The following THSD7B variants were observed in gnomAD, a reference collection of about 807,000 sequenced individuals.
THSD7B encodes the protein thrombospondin type 1 domain containing 7B, also known as thrombospondin type-1 domain-containing protein 7B.
In THSD7B, 138 loss-of-function variants were observed where a neutral mutation model predicts 213.6. That is an observed-to-expected ratio of 0.65 (90% CI 0.56 to 0.74). The LOEUF is 0.74. Among genes scored for constraint, THSD7B ranks in the 30% least tolerant of loss-of-function variants. THSD7B has a pLI of 0.00. For synonymous variants in THSD7B, 742 were observed against 687.0 expected, an observed-to-expected ratio of 1.08 and a Z score of -1.25; for missense variants, 1,931 against 1,991.5, an observed-to-expected ratio of 0.97 and a Z score of 0.58.
chr2:137,332,195 A>G (rs962695725), intron 12 of THSD7B, among the ~76,000 whole-genome samples: 1 of 152,012 alleles, frequency 6.6e-6, no homozygotes, highest in Admixed American at 6.5e-5. Flanking sequence ...GGAGGGCTGT[A>G]CCCTGCAAAG....
At chr2:137,230,610 T>C (rs1051992370) in intron 7 of THSD7B, among the ~76,000 whole-genome samples, 1 of 152,192 alleles carries the variant, frequency 6.6e-6, no homozygotes, top group Non-Finnish European at 1.5e-5. Flanking sequence ...GGTTGCATAT[T>C]TGGAGGTGAA....
chr2:137,497,415 A>T (rs1478698586), intron 15 of THSD7B, among the ~76,000 whole-genome samples: 1 of 152,144 alleles, frequency 6.6e-6, no homozygotes, highest in Non-Finnish European at 1.5e-5. Flanking sequence ...TAAACTATGT[A>T]GGTCTTCCCT....
At chr2:137,264,961 A>G (rs991464362) in intron 10 of THSD7B, among the ~76,000 whole-genome samples, 6 of 151,998 alleles carry the variant, frequency 3.9e-5, no homozygotes, top group Non-Finnish European at 7.4e-5. Flanking sequence ...ATATCTCCCA[A>G]TGCTATCCCT....
intron 15 of THSD7B, among the ~76,000 whole-genome samples, chr2:137,533,447 A>G (rs887274977): frequency 1.3e-5 from 2 of 151,696 alleles, no homozygotes; most frequent in African/African-American, 2.4e-5. Flanking sequence ...TCAACTCAAT[A>G]CTCTACTTAT....
At chr2:137,262,459 A>G (rs1292471566) in intron 10 of THSD7B, among the ~76,000 whole-genome samples, 1 of 152,136 alleles carries the variant, frequency 6.6e-6, no homozygotes, top group East Asian at 1.9e-4. Context: ...TTTGCGGAAA[A>G]AAAAAAAAAT....
At chr2:137,059,096 T>C (rs1253161592) in intron 3 of THSD7B, among the ~76,000 whole-genome samples, 5 of 152,298 alleles carry the variant, frequency 3.3e-5, no homozygotes, top group African/African-American at 1.2e-4. Flanking sequence ...TGTCTTGATT[T>C]AGTTCGTGAT....
chr2:137,419,336 A>G (rs1053983015), intron 14 of THSD7B, among the ~76,000 whole-genome samples: 1 of 150,428 alleles, frequency 6.6e-6, no homozygotes, highest in East Asian at 2.0e-4. Context: ...AGCCACTGCA[A>G]TTGAGCTCTC....
intron 3 of THSD7B, among the ~76,000 whole-genome samples, chr2:137,073,583 C>A (rs1687550088): frequency 6.6e-6 from 1 of 152,168 alleles, no homozygotes. Flanking sequence ...TCTCTATCTC[C>A]TTCAGTTCTG....
At chr2:137,417,908 A>T (rs1321339098) in intron 14 of THSD7B, among the ~76,000 whole-genome samples, 1 of 152,212 alleles carries the variant, frequency 6.6e-6, no homozygotes, top group East Asian at 1.9e-4. Context: ...GTTATATGAA[A>T]TTCTTGCCAA....
chr2:137,174,721 A>G (rs1417468479), intron 7 of THSD7B, among the ~76,000 whole-genome samples: 1 of 152,140 alleles, frequency 6.6e-6, no homozygotes, highest in Non-Finnish European at 1.5e-5. Flanking sequence ...GAGTGTTCTT[A>G]TTTGGAATCT....
At chr2:136,818,158 C>T (rs1233229230) in intron 1 of THSD7B, among the ~76,000 whole-genome samples, 2 of 151,236 alleles carry the variant, frequency 1.3e-5, no homozygotes, top group African/African-American at 4.9e-5. Flanking sequence ...AAATGTCCAT[C>T]AATAATAGAC....
chr2:137,389,193 C>CATATATATATATAT lies in THSD7B; in HGVS notation c.2501-16409_2501-16396dup, dbSNP rs59969102. Among the ~76,000 whole-genome samples the CATATATATATATAT allele has an allele frequency of 5.0e-3, 632 of 127,224 alleles. 3 individuals are homozygous for CATATATATATATAT. Among genetic ancestry groups the CATATATATATATAT allele is most frequent in the South Asian group, 0.016 (57 of 3,648 alleles). 83.5% of individuals were successfully genotyped at this position (127,224 alleles called of 152,430 possible). On this transcript the variant is annotated intron_variant, in intron 12 of 27. Coordinates refer to ENST00000409968, the MANE Select transcript of THSD7B (RefSeq NM_001316349.2). ...ATCACCAGTCTCACCATATATCTGTCATATATATATATATATATATATATG... is the reference window on the plus strand; with the variant it reads ...ATCACCAGTCTCACCATATATCTGTCATATATATATATATATATATATATATATATATATATATG...
chr2:136,930,016 T>C (rs1348990967), intron 2 of THSD7B, among the ~76,000 whole-genome samples: 2 of 152,212 alleles, frequency 1.3e-5, no homozygotes, highest in South Asian at 2.1e-4. Context: ...AAGGTGGTTG[T>C]TGGCCTGCAA....
intron 10 of THSD7B, among the ~76,000 whole-genome samples, chr2:137,267,199 TTTAA>T (rs1450795284): frequency 1.3e-5 from 2 of 152,196 alleles, no homozygotes; most frequent in African/African-American, 2.4e-5. Context: ...TAAAAACAAG[TTTAA>T]TTATACCTGA....
intron 2 of THSD7B, among the ~76,000 whole-genome samples, chr2:137,020,141 C>T (rs1686415583): frequency 6.6e-6 from 1 of 152,116 alleles, no homozygotes; most frequent in Non-Finnish European, 1.5e-5. Flanking sequence ...GATTTCCAGG[C>T]AGTGTGGTTC....
chr2:137,347,575 T>A (rs369969343), intron 12 of THSD7B, among the ~76,000 whole-genome samples: 17 of 127,464 alleles, frequency 1.3e-4, no homozygotes, highest in Non-Finnish European at 1.9e-4. Flanking sequence ...TTTTTTTTTT[T>A]AAATAACAAG....
At chr2:137,369,856 G>A (rs1295194636) in intron 12 of THSD7B, among the ~76,000 whole-genome samples, 1 of 152,102 alleles carries the variant, frequency 6.6e-6, no homozygotes, top group African/African-American at 2.4e-5. Flanking sequence ...AAAAGCCAAG[G>A]ACTGGGTATC....
chr2:136,812,715 G>A (rs1277530419), intron 1 of THSD7B, among the ~76,000 whole-genome samples: 2 of 152,212 alleles, frequency 1.3e-5, no homozygotes, highest in Non-Finnish European at 2.9e-5. Context: ...CACACAAGTA[G>A]ACAGCAGAGC....
intron 5 of THSD7B, among the ~76,000 whole-genome samples, chr2:137,133,156 C>G (rs1688772561): frequency 6.6e-6 from 1 of 152,182 alleles, no homozygotes; most frequent in South Asian, 2.1e-4. Context: ...AGGAAATCCA[C>G]TCTCTTTTCC....
Sources: gnomAD v4.1 joint callset for allele counts (sites outside exome capture counted in the v4.1 genomes callset) on GRCh38, gnomAD v4.1.1 for gene constraint, MANE v1.5 for transcripts, NCBI Gene and HGNC (gene_info 2026-07-23, HGNC 2026-07-21) for gene names.